PRKN: variants seen among roughly 807,000 people sequenced by gnomAD.
The protein encoded by PRKN is parkin RBR E3 ubiquitin protein ligase.
PRKN carries 56 observed loss-of-function variants against 59.5 expected under a neutral mutation model. The observed-to-expected ratio is 0.94, with a 90% CI of 0.76 to 1.18. The LOEUF (loss-of-function observed/expected upper bound fraction) is 1.18, where lower values mean the gene tolerates loss of function less well. Ranked by LOEUF, PRKN falls within the 50% of genes most tolerant of loss-of-function variation. PRKN has a pLI of 0.00. For synonymous variants in PRKN, 250 were observed against 222.1 expected, an observed-to-expected ratio of 1.13 and a Z score of -1.12; for missense variants, 657 against 596.4, an observed-to-expected ratio of 1.10 and a Z score of -1.06.
chr6:161,700,028 T>G lies in PRKN; in HGVS notation c.871+85744A>C, dbSNP rs150512845. Among the ~76,000 whole-genome samples the G allele has an allele frequency of 1.3e-3, 192 of 152,170 alleles. 1 individual carries two copies. The highest frequency in any genetic ancestry group is 4.5e-3 in the African/African-American group (187 of 41,536). ...CTAATCTTCCTTGACCTGCTTTGTC[T>G]TCCTTTGGTTCCCACCTTTGTTGCT... is the stretch of plus-strand genomic sequence containing the variant. On this transcript the variant is annotated intron_variant, in intron 7 of 11. Transcript: ENST00000366898.
intron 7 of PRKN, among the ~76,000 whole-genome samples, chr6:161,624,954 T>C (rs1783032609): frequency 6.6e-6 from 1 of 152,182 alleles, no homozygotes; most frequent in Non-Finnish European, 1.5e-5. Context: ...AATAAGACAA[T>C]GGAAATAAAT....
At chr6:162,194,303 G>C (rs57374961) in intron 4 of PRKN, among the ~76,000 whole-genome samples, 9,242 of 152,098 alleles carry the variant, frequency 0.061, 732 homozygotes, top group East Asian at 0.41. Flanking sequence ...AAAAATACTT[G>C]AATAAATTCC....
At chr6:161,801,359 G>C (rs1015369904) in intron 6 of PRKN, among the ~76,000 whole-genome samples, 2 of 152,220 alleles carry the variant, frequency 1.3e-5, no homozygotes, top group African/African-American at 4.8e-5. Context: ...GCAGAAGTCA[G>C]TTTAGTTCAC....
At chr6:162,192,155 T>C (rs1252998899) in intron 4 of PRKN, among the ~76,000 whole-genome samples, 1 of 152,172 alleles carries the variant, frequency 6.6e-6, no homozygotes, top group Non-Finnish European at 1.5e-5. Context: ...TATAAATATT[T>C]TAAAAATGTA....
rs1200600848 is a variant in PRKN, at chr6:161,605,759, C to A, written c.872-36343G>T. 2.6e-5 allele frequency among the ~76,000 whole-genome samples: 4 copies of A among 152,118 alleles called. No individual in the cohort carries two copies. In the East Asian group the frequency reaches 5.8e-4, roughly 22 times the overall value. ...CCCTGGCCTCAAGTAGTCTGCCTGC[C>A]TCGGCCTCCCGAAGTGCTGGGATTA... On this transcript the variant is annotated intron_variant, in intron 7 of 11. Coordinates refer to ENST00000366898, the MANE Select transcript of PRKN (RefSeq NM_004562.3).
At chr6:162,351,547 C>T (rs186290424) in intron 2 of PRKN, among the ~76,000 whole-genome samples, 45 of 152,280 alleles carry the variant, frequency 3.0e-4, no homozygotes, top group East Asian at 2.3e-3. Context: ...GGGACCAGGA[C>T]ATTTCGCAGG....
In PRKN at chr6:161,372,612, G is replaced by A. The variant is rs1340782681; in HGVS notation, c.1168-12407C>T. 2.0e-5 allele frequency among the ~76,000 whole-genome samples: 3 copies of A among 152,244 alleles called. No individual in the cohort carries two copies. The East Asian group carries it at 5.8e-4, about 29-fold the overall frequency. ...GTGGAGCTTCCCCATTAGCAGAACG[G>A]CGGCTCTCAGACCAGCGGCACCGGA... On this transcript the variant is annotated intron_variant, in intron 10 of 11. Coordinates refer to ENST00000366898, the MANE Select transcript of PRKN (RefSeq NM_004562.3). The surrounding 1 kb of genome is among the most constrained non-coding windows in gnomAD (Gnocchi z 4.2).
chr6:162,061,019 C>A (rs979044632), intron 4 of PRKN, among the ~76,000 whole-genome samples: 1 of 152,056 alleles, frequency 6.6e-6, no homozygotes, highest in African/African-American at 2.4e-5. Flanking sequence ...AAAGCTGTAC[C>A]CAGAAGCTTG....
intron 7 of PRKN, among the ~76,000 whole-genome samples, chr6:161,633,445 G>A (rs1783390876): frequency 6.6e-6 from 1 of 152,172 alleles, no homozygotes; most frequent in Non-Finnish European, 1.5e-5. Context: ...GGAGCATTCA[G>A]TTAACAGCTT....
rs1779581035 is a variant in PRKN at position 162,556,358 on chromosome 6, T to TGTGTGTGTGTGTGTGTGC, written c.8-112886_8-112885insGCACACACACACACACAC. On this transcript the variant is annotated intron_variant, in intron 1 of 11. Coordinates refer to ENST00000366898, the MANE Select transcript of PRKN (RefSeq NM_004562.3). ...TACTCAGCTGGTGTGTGTGTGTGTG[T>TGTGTGTGTGTGTGTGTGC]GTGTGTGTGTGTGTGTGTGTGTGTG... Among the ~76,000 whole-genome samples the TGTGTGTGTGTGTGTGTGC allele has an allele frequency of 2.3e-4, 17 of 72,484 alleles. 1 individual carries two copies. The highest frequency in any genetic ancestry group is 6.2e-4 in the African/African-American group (15 of 24,272). The allele number at this position is 72,484 out of a possible 152,430, so 47.6% of individuals were successfully genotyped here.
chr6:162,018,580 G>A (rs1014921724), intron 5 of PRKN, among the ~76,000 whole-genome samples: 6 of 152,088 alleles, frequency 3.9e-5, no homozygotes, highest in African/African-American at 1.4e-4. Flanking sequence ...TGTGTTTTAG[G>A]ACCTGCTTTA....
intron 7 of PRKN, among the ~76,000 whole-genome samples, chr6:161,664,303 T>C (rs1281790103): frequency 1.3e-5 from 2 of 152,080 alleles, no homozygotes; most frequent in Non-Finnish European, 2.9e-5. Context: ...GCAAAAGAAA[T>C]AGAGGGTCTT....
chr6:161,530,298 A>G lies in PRKN; in HGVS notation c.1083+18556T>C, dbSNP rs1175786217. Among the ~76,000 whole-genome samples, 1 of 152,216 alleles carries G rather than the reference A, an allele frequency of 6.6e-6. No homozygotes were observed. On this transcript the variant is annotated intron_variant, in intron 9 of 11. Coordinates refer to ENST00000366898, the MANE Select transcript of PRKN (RefSeq NM_004562.3). This position sits in a 1 kb window ranked among gnomAD's most constrained non-coding sequence, Gnocchi z 5.0. The stretch of plus-strand genomic sequence containing the variant: ...CACGTGTTTGGTTCAATATAAAAGT[A>G]TCATTCCCCACCCAGACCTGTCCCA...
chr6:162,399,571 A>G (rs1458708276), intron 2 of PRKN, among the ~76,000 whole-genome samples: 1 of 152,112 alleles, frequency 6.6e-6, no homozygotes, highest in Non-Finnish European at 1.5e-5. Context: ...GCATGCACAC[A>G]ATCTATACAA....
intron 1 of PRKN, among the ~76,000 whole-genome samples, chr6:162,672,914 T>A (rs561237117): frequency 2.1e-4 from 32 of 152,264 alleles, no homozygotes; most frequent in African/African-American, 7.0e-4. Flanking sequence ...ACACAGTAAC[T>A]ACACTTATAA....
intron 6 of PRKN, among the ~76,000 whole-genome samples, chr6:161,849,766 G>A (rs1793349526): frequency 6.6e-6 from 1 of 152,150 alleles, no homozygotes; most frequent in East Asian, 1.9e-4. Flanking sequence ...AGAAAGAATA[G>A]GAAAAAACGG....
intron 7 of PRKN, among the ~76,000 whole-genome samples, chr6:161,713,327 T>G (rs1562626511): frequency 6.6e-6 from 1 of 152,110 alleles, no homozygotes; most frequent in Admixed American, 6.6e-5. Context: ...CAAGAGTTTA[T>G]AGGGAGCTTG....
At chr6:162,184,559 G>A (rs905217716) in intron 4 of PRKN, among the ~76,000 whole-genome samples, 1 of 152,122 alleles carries the variant, frequency 6.6e-6, no homozygotes, top group African/African-American at 2.4e-5. Flanking sequence ...TTGCTGCCCT[G>A]TGTAGAAGGA....
Position 161,359,938 on chromosome 6 carries a change from A to G in PRKN, c.1285+150T>C. ...TTTCTGTGTAACAAAAACAATAATA[A>G]TAGTGATAATGGGTAACATTAATCG... On this transcript the variant is annotated intron_variant, in intron 11 of 11. Coordinates refer to ENST00000366898, the MANE Select transcript of PRKN (RefSeq NM_004562.3). This position sits in a 1 kb window ranked among gnomAD's most constrained non-coding sequence, Gnocchi z 5.4. 1 of 721,854 alleles carries G rather than the reference A, an allele frequency of 1.4e-6. No homozygotes were observed. The highest frequency in any genetic ancestry group is 2.5e-6 in the Non-Finnish European group (1 of 395,946). The allele number at this position is 721,854 out of a possible 1,614,324, so 44.7% of individuals were successfully genotyped here.
Sources: allele counts gnomAD v4.1 joint callset (sites outside exome capture counted in the v4.1 genomes callset), GRCh38; gene constraint gnomAD v4.1.1; non-coding constraint Gnocchi (gnomAD v3.1); transcripts MANE v1.5; gene names NCBI Gene and HGNC (gene_info 2026-07-23, HGNC 2026-07-21).